The following TACR3 variants were observed in gnomAD, a reference collection of about 807,000 sequenced individuals.
TACR3 encodes tachykinin receptor 3, also known as neuromedin-K receptor.
A neutral mutation model predicts 35.0 loss-of-function variants in TACR3; 34 were observed. The observed-to-expected ratio is 0.97, with a 90% CI of 0.74 to 1.30. TACR3 has a LOEUF of 1.30. TACR3 is among the 50% of genes most tolerant of loss of function. TACR3 has a pLI of 0.00. For synonymous variants in TACR3, 233 were observed against 221.1 expected, an observed-to-expected ratio of 1.05 and a Z score of -0.48; for missense variants, 558 against 591.7, an observed-to-expected ratio of 0.94 and a Z score of 0.59.
At chr4:103,682,072 A>C (rs1722107610) in intron 1 of TACR3, among the ~76,000 whole-genome samples, 1 of 152,162 alleles carries the variant, frequency 6.6e-6, no homozygotes, top group Admixed American at 6.5e-5. Context: ...ATACTTTAAA[A>C]ATTAATTATT....
intron 3 of TACR3, among the ~76,000 whole-genome samples, chr4:103,637,016 G>A: frequency 6.6e-6 from 1 of 152,102 alleles, no homozygotes. Context: ...GGTACAAGGA[G>A]GAGCTGGTAC....
intron 1 of TACR3, among the ~76,000 whole-genome samples, chr4:103,702,112 C>G (rs1722665289): frequency 6.6e-6 from 1 of 152,124 alleles, no homozygotes; most frequent in Admixed American, 6.5e-5. Context: ...AGTGAATAGG[C>G]AACCTACAGA....
chr4:103,599,478 C>A (rs180884314), intron 3 of TACR3, among the ~76,000 whole-genome samples: 47 of 152,290 alleles, frequency 3.1e-4, no homozygotes, highest in African/African-American at 1.1e-3. Context: ...CTGGCCAGAA[C>A]TTCCAACACT....
chr4:103,671,436 G>C (rs1050685641), intron 1 of TACR3, among the ~76,000 whole-genome samples: 3 of 151,864 alleles, frequency 2.0e-5, no homozygotes, highest in African/African-American at 7.2e-5. Flanking sequence ...TCTTTGATGG[G>C]AGAGTTTTTA....
chr4:103,591,253 C>T, intron 4 of TACR3: 1 of 537,750 alleles, frequency 1.9e-6, no homozygotes, highest in Non-Finnish European at 3.3e-6. Context: ...ATAGAAGAAT[C>T]ATCCAGTTAG....
rs563107463 is a variant in TACR3 at position 103,654,837 on chromosome 4, A to G, written c.888+1357T>C. 1.5e-4 allele frequency among the ~76,000 whole-genome samples: 23 copies of G among 152,264 alleles called. No individual in the cohort carries two copies. The South Asian group carries it at 1.7e-3, about 11-fold the overall frequency. On this transcript the variant is annotated intron_variant, in intron 3 of 4. Coordinates refer to ENST00000304883, the MANE Select transcript of TACR3 (RefSeq NM_001059.3). The stretch of plus-strand genomic sequence containing the variant: ...GATATAGCTATAAGAAATTATCCCA[A>G]GAAAAGAGTATCTTTCAACATGAGC...
chr4:103,651,864 G>A (rs965970340), intron 3 of TACR3, among the ~76,000 whole-genome samples: 7 of 152,134 alleles, frequency 4.6e-5, no homozygotes, highest in African/African-American at 1.7e-4. Context: ...TTCTAGTCCA[G>A]GTTGTGTCTA....
rs900996518 is a variant in TACR3 at position 103,586,769 on chromosome 4, G to T, written c.*2913C>A. Reference sequence around the variant, plus strand: ...GCTGTACTTGGTAAAAAATAAAAAAGTGTGAGAGTGAATTCTGTAACAATT... The same window carrying T: ...GCTGTACTTGGTAAAAAATAAAAAATTGTGAGAGTGAATTCTGTAACAATT... On this transcript the variant is annotated 3_prime_UTR_variant, in exon 5 of 5. Transcript: ENST00000304883. 130 of 152,152 alleles carry T rather than the reference G, an allele frequency of 8.5e-4. 1 individual carries two copies. Among genetic ancestry groups the T allele is most frequent in the African/African-American group, 3.0e-3 (124 of 41,504 alleles). 9.4% of individuals were successfully genotyped at this position (152,152 alleles called of 1,614,324 possible). A position where few individuals can be genotyped will look rare whatever the true frequency, so the allele number is the denominator to read the frequency against.
At chr4:103,615,396 TGTGAGAGAGAGA>T (rs1428397951) in intron 3 of TACR3, among the ~76,000 whole-genome samples, 17 of 122,600 alleles carry the variant, frequency 1.4e-4, no homozygotes, top group East Asian at 6.3e-4. Flanking sequence ...TGTGTGTGTG[TGTGAGAGAGAGA>T]GAGAGAGAGA....
At chr4:103,695,996 T>A (rs1053537755) in intron 1 of TACR3, among the ~76,000 whole-genome samples, 1 of 152,152 alleles carries the variant, frequency 6.6e-6, no homozygotes, top group Admixed American at 6.6e-5. Flanking sequence ...TCTCCCTTTT[T>A]TTCTTTTCTA....
At chr4:103,590,991 G>A (rs1031492787) in intron 4 of TACR3, among the ~76,000 whole-genome samples, 6 of 152,234 alleles carry the variant, frequency 3.9e-5, no homozygotes, top group African/African-American at 1.4e-4. Flanking sequence ...GCAGGAAGGA[G>A]GATTGGAGTT....
chr4:103,697,043 C>T (rs922700404), intron 1 of TACR3, among the ~76,000 whole-genome samples: 16 of 151,954 alleles, frequency 1.1e-4, no homozygotes, highest in South Asian at 2.1e-4. Flanking sequence ...CCTCCCAAAG[C>T]GCTGGGATTA....
At chr4:103,592,114 T>C (rs898579407) in intron 3 of TACR3, among the ~76,000 whole-genome samples, 7 of 152,198 alleles carry the variant, frequency 4.6e-5, no homozygotes, top group African/African-American at 1.7e-4. Context: ...GCTGGGTTTG[T>C]TCAAGTCAGT....
At chr4:103,705,369 CATTT>C (rs1244049749) in intron 1 of TACR3, among the ~76,000 whole-genome samples, 1 of 151,880 alleles carries the variant, frequency 6.6e-6, no homozygotes, top group Non-Finnish European at 1.5e-5. Context: ...CCTTTTCATT[CATTT>C]ATTTACTTTT....
At chr4:103,617,415 T>G (rs1026582562) in intron 3 of TACR3, among the ~76,000 whole-genome samples, 1 of 152,222 alleles carries the variant, frequency 6.6e-6, no homozygotes, top group Non-Finnish European at 1.5e-5. Context: ...TTGATAATAC[T>G]TGATTCATTT....
intron 3 of TACR3, among the ~76,000 whole-genome samples, chr4:103,622,761 C>A (rs975442929): frequency 6.6e-6 from 1 of 151,956 alleles, no homozygotes; most frequent in African/African-American, 2.4e-5. Context: ...AAAAAAGAAT[C>A]CAAAATTCAA....
rs1270406821 is a variant in TACR3 at position 103,589,221 on chromosome 4, C to T, written c.*461G>A. 6.5e-6 allele frequency: 1 copy of T among 153,868 alleles called. No individual in the cohort carries two copies. Among genetic ancestry groups the T allele is most frequent in the Non-Finnish European group, 1.4e-5 (1 of 69,178 alleles). The allele number at this position is 153,868 out of a possible 1,614,324, so 9.5% of individuals were successfully genotyped here. On this transcript the variant is annotated 3_prime_UTR_variant, in exon 5 of 5. Transcript: ENST00000304883. ...TCTAGTGGGAAAATGAATCATTTAA[C>T]TTTTTTTCCCATTTTATATCTCTAG...
intron 1 of TACR3, among the ~76,000 whole-genome samples, chr4:103,671,478 C>T (rs1334771899): frequency 5.3e-5 from 8 of 151,654 alleles, no homozygotes; most frequent in Non-Finnish European, 1.0e-4. Flanking sequence ...TAATATTGGG[C>T]TATTTAGGTT....
intron 1 of TACR3, among the ~76,000 whole-genome samples, chr4:103,710,250 G>T (rs183131978): frequency 5.9e-5 from 9 of 152,100 alleles, no homozygotes; most frequent in African/African-American, 1.9e-4. Flanking sequence ...TGACCACACC[G>T]TTGGAAGTAA....
Sources: gnomAD v4.1 joint callset for allele counts (sites outside exome capture counted in the v4.1 genomes callset) on GRCh38, gnomAD v4.1.1 for gene constraint, MANE v1.5 for transcripts, NCBI Gene and HGNC (gene_info 2026-07-23, HGNC 2026-07-21) for gene names.